Variants in C11orf65 observed in about 807,000 individuals in gnomAD.
C11orf65 encodes the protein protein MFI.
Under a neutral mutation model 35.3 loss-of-function variants are expected in C11orf65, and 38 were observed. The observed-to-expected ratio is 1.08, with a 90% CI of 0.83 to 1.41. The LOEUF (loss-of-function observed/expected upper bound fraction) is 1.41. Among genes scored for constraint, C11orf65 ranks in the 40% most tolerant of loss-of-function variants. C11orf65 has a pLI of 0.00. For synonymous variants in C11orf65, 105 were observed against 114.4 expected (o/e 0.92, Z 0.53); for missense variants, 370 against 367.1 (o/e 1.01, Z -0.06).
chr11:108,425,221 G>A (rs1431402391), intron 3 of C11orf65, among the ~76,000 whole-genome samples: 1 of 151,978 alleles, frequency 6.6e-6, no homozygotes, highest in African/African-American at 2.4e-5. Flanking sequence ...TCCAGGAGCT[G>A]TTTTTTTGAA....
chr11:108,421,309 G>A (rs1264496557), intron 3 of C11orf65, among the ~76,000 whole-genome samples: 3 of 152,158 alleles, frequency 2.0e-5, no homozygotes, highest in African/African-American at 7.2e-5. Flanking sequence ...GGAGAGGTGT[G>A]AAATAAAGGG....
At chr11:108,451,940 A>T (rs530293903) in intron 2 of C11orf65, among the ~76,000 whole-genome samples, 58 of 152,220 alleles carry the variant, frequency 3.8e-4, no homozygotes, top group Non-Finnish European at 6.3e-4. Flanking sequence ...TGCTGGGAAA[A>T]CTGGTTAGCC....
rs763296454 is a variant in C11orf65 at position 108,321,286 on chromosome 11, C to T, written c.641-12215G>A. The T allele has an allele frequency of 1.7e-5, 27 of 1,613,326 alleles. No individual in the cohort carries two copies. In the Admixed American group the frequency reaches 3.2e-4, roughly 19 times the overall value. On this transcript the variant is annotated intron_variant, in intron 6 of 6. Coordinates refer to the C11orf65 transcript ENST00000525729. The stretch of plus-strand genomic sequence containing the variant: ...CTTCTTTATTTTCAGAGTGTCTTTT[C>T]TTTTTTGCTACTAGAGTAAAAGAAG...
chr11:108,313,246 A>G (rs2084326497), intron 6 of C11orf65, among the ~76,000 whole-genome samples: 1 of 152,118 alleles, frequency 6.6e-6, no homozygotes, highest in African/African-American at 2.4e-5. Context: ...CTCCCTCTGA[A>G]CTATGTTCTG....
chr11:108,356,784 G>A lies in C11orf65; in HGVS notation c.227-21492C>T, dbSNP rs558395489. On this transcript the variant is annotated intron_variant, in intron 2 of 3. Coordinates refer to the C11orf65 transcript ENST00000524755. ...CTGCTTATGGACTTCACTTTTTAGA[G>A]TAGTAGGAGATCAAATGAGAGAAGT... is the stretch of plus-strand genomic sequence containing the variant. 7.9e-5 allele frequency among the ~76,000 whole-genome samples: 12 copies of A among 152,242 alleles called. No homozygotes were observed. In the South Asian group the frequency reaches 2.5e-3, roughly 32 times the overall value.
chr11:108,422,149 C>T (rs573610492), intron 3 of C11orf65, among the ~76,000 whole-genome samples: 1 of 152,198 alleles, frequency 6.6e-6, no homozygotes, highest in South Asian at 2.1e-4. Flanking sequence ...AGGCTGGTCT[C>T]GAACTCCTGA....
chr11:108,319,594 T>C (rs893644149), intron 6 of C11orf65, among the ~76,000 whole-genome samples: 2 of 152,246 alleles, frequency 1.3e-5, no homozygotes, highest in Non-Finnish European at 2.9e-5. Flanking sequence ...TACTTATTTA[T>C]TGTCTGTTCC....
intron 6 of C11orf65, among the ~76,000 whole-genome samples, chr11:108,395,075 C>A (rs1249869559): frequency 6.6e-6 from 1 of 151,542 alleles, no homozygotes; most frequent in East Asian, 1.9e-4. Flanking sequence ...AGGCTGCGGT[C>A]AGCTATGATA....
At chr11:108,402,682 A>ATT (rs2092459840) in intron 6 of C11orf65, among the ~76,000 whole-genome samples, 1 of 152,184 alleles carries the variant, frequency 6.6e-6, no homozygotes, top group Non-Finnish European at 1.5e-5. Flanking sequence ...CTACAATAAA[A>ATT]AATAAATCTA....
chr11:108,419,196 G>C (rs574976567), intron 3 of C11orf65, among the ~76,000 whole-genome samples: 3 of 152,212 alleles, frequency 2.0e-5, no homozygotes, highest in East Asian at 3.9e-4. Context: ...CGTTCTGCAG[G>C]AACACAGGTG....
chr11:108,354,070 A>ACACACACACACACACAC (rs2089570249), intron 2 of C11orf65, among the ~76,000 whole-genome samples: 10 of 114,832 alleles, frequency 8.7e-5, no homozygotes, highest in African/African-American at 2.4e-4. Flanking sequence ...CACACACACA[A>ACACACACACACACACAC]ACACACACAC....
intron 2 of C11orf65, among the ~76,000 whole-genome samples, chr11:108,374,150 G>A (rs994484574): frequency 5.3e-5 from 8 of 151,908 alleles, no homozygotes; most frequent in African/African-American, 7.2e-5. Context: ...CTCCCAGCAC[G>A]CAGTTTGAGA....
chr11:108,318,456 G>A (rs2084940250), intron 6 of C11orf65, among the ~76,000 whole-genome samples: 1 of 152,068 alleles, frequency 6.6e-6, no homozygotes. Flanking sequence ...TTGGAGAGCT[G>A]AGGCAGATGG....
intron 2 of C11orf65, among the ~76,000 whole-genome samples, chr11:108,354,218 C>T (rs184593649): frequency 7.2e-4 from 109 of 152,228 alleles, no homozygotes; most frequent in Middle Eastern, 3.4e-3. Flanking sequence ...CCTCTTCCTT[C>T]CACCCACCTG....
downstream of C11orf65, chr11:108,331,375 T>C: frequency 6.4e-7 from 1 of 1,557,416 alleles, no homozygotes; most frequent in Non-Finnish European, 8.7e-7. Flanking sequence ...TAAAATAACT[T>C]ACTTGCTTAG....
Position 108,317,650 on chromosome 11 carries a change from TATACACAC to T in C11orf65, c.641-8587_641-8580del, listed in dbSNP as rs1365247202. On this transcript the variant is annotated intron_variant, in intron 6 of 6. Coordinates refer to the C11orf65 transcript ENST00000525729. ...ATATATATATATATATATATATATA[TATACACAC>T]ACACACACACACACACTATATATAT... The T allele has an allele frequency of 4.5e-3, 588 of 130,382 alleles. 6 individuals carry two copies. Among genetic ancestry groups the T allele is most frequent in the African/African-American group, 0.025 (540 of 21,910 alleles). The allele number at this position is 130,382 out of a possible 1,614,324, so 8.1% of individuals were successfully genotyped here. A position where few individuals can be genotyped will look rare whatever the true frequency, so the allele number is the denominator to read the frequency against.
chr11:108,466,094 C>CA (rs953752380), intron 1 of C11orf65, among the ~76,000 whole-genome samples: 1 of 151,340 alleles, frequency 6.6e-6, no homozygotes, highest in Non-Finnish European at 1.5e-5. Context: ...CTTAAAGGGG[C>CA]AAAAAAAGGG....
At chr11:108,320,566 T>TA (rs1231058200) in intron 6 of C11orf65, among the ~76,000 whole-genome samples, 7 of 152,360 alleles carry the variant, frequency 4.6e-5, no homozygotes, top group Non-Finnish European at 8.8e-5. Flanking sequence ...TAGCCACTGT[T>TA]AGACTCTTTT....
intron 8 of C11orf65, among the ~76,000 whole-genome samples, chr11:108,384,969 G>C (rs1247437969): frequency 6.6e-6 from 1 of 152,136 alleles, no homozygotes. Flanking sequence ...TAGCATTTCA[G>C]TACTGCTAAC....
Sources: allele counts gnomAD v4.1 joint callset (sites outside exome capture counted in the v4.1 genomes callset), GRCh38; gene constraint gnomAD v4.1.1; transcripts MANE v1.5; gene names NCBI Gene and HGNC (gene_info 2026-07-23, HGNC 2026-07-21).